The following MYLK4 variants were observed in gnomAD, a reference collection of about 807,000 sequenced individuals.
MYLK4 encodes caMLCK like.
In MYLK4, 46 loss-of-function variants were observed where a neutral mutation model predicts 48.1. The observed-to-expected ratio is 0.96, with a 90% CI of 0.75 to 1.22. The LOEUF (loss-of-function observed/expected upper bound fraction) is 1.22, where lower values mean the gene tolerates loss of function less well. Among genes scored for constraint, MYLK4 ranks in the 50% most tolerant of loss-of-function variants. The probability of loss-of-function intolerance (pLI) is 0.00; values close to 1 mark genes in which losing one functional copy is unlikely to be tolerated. For missense variants in MYLK4, 451 were observed against 486.1 expected (o/e 0.93, Z 0.68); for synonymous variants, 170 against 180.8 (o/e 0.94, Z 0.48).
At position 2,685,263 on chromosome 6, in the gene MYLK4, G is replaced by A. The variant is rs1179856293; in HGVS notation, c.545+33C>T. On this transcript the variant is annotated intron_variant, in intron 6 of 12. Coordinates refer to ENST00000274643, the MANE Select transcript of MYLK4 (RefSeq NM_001012418.5). The surrounding 1 kb of genome is among the most constrained non-coding windows in gnomAD (Gnocchi z 4.5). The stretch of plus-strand genomic sequence containing the variant: ...CGGTCACGGTCATGAGTGCCCTTGG[G>A]GAGGTCAGGGAGGGGGCGGAGGGGA... The A allele has an allele frequency of 6.6e-7, 1 of 1,510,734 alleles. No individual in the cohort carries two copies. The highest frequency in any genetic ancestry group is 1.4e-5 in the African/African-American group (1 of 72,950). The allele number at this position is 1,510,734 out of a possible 1,614,324, so 93.6% of individuals were successfully genotyped here.
chr6:2,693,532 C>T (rs1027258436), intron 2 of MYLK4, among the ~76,000 whole-genome samples: 1 of 152,160 alleles, frequency 6.6e-6, no homozygotes, highest in Non-Finnish European at 1.5e-5. Flanking sequence ...GTTGAGCAAA[C>T]CGTTAGCTAA....
the MYLK4 span, among the ~76,000 whole-genome samples, chr6:2,758,543 T>C: frequency 6.6e-6 from 1 of 151,934 alleles, no homozygotes; most frequent in Admixed American, 6.6e-5. Context: ...GCAATACTCA[T>C]AAAGCCACCA....
chr6:2,685,444 G>T lies in MYLK4; in HGVS notation c.435+39C>A. On this transcript the variant is annotated intron_variant, in intron 5 of 12. Coordinates refer to ENST00000274643, the MANE Select transcript of MYLK4 (RefSeq NM_001012418.5). This position sits in a 1 kb window ranked among gnomAD's most constrained non-coding sequence, Gnocchi z 4.5. ...AACAGTGCATTAGTGTGGTCAAGAT[G>T]GGGCGGGGAGGGAGGGGACCACCTC... 6.2e-7 allele frequency: 1 copy of T among 1,604,260 alleles called. No individual in the cohort carries two copies. The highest frequency in any genetic ancestry group is 8.5e-7 in the Non-Finnish European group (1 of 1,171,402).
chr6:2,743,438 T>C (rs1344739098), intron 2 of MYLK4, among the ~76,000 whole-genome samples: 1 of 152,208 alleles, frequency 6.6e-6, no homozygotes, highest in East Asian at 1.9e-4. Flanking sequence ...CTGGAATAGC[T>C]ATGGTGTTAC....
At chr6:2,743,548 T>C (rs1399275854) in intron 2 of MYLK4, among the ~76,000 whole-genome samples, 1 of 152,230 alleles carries the variant, frequency 6.6e-6, no homozygotes, top group Non-Finnish European at 1.5e-5. Context: ...ATCGATTTCT[T>C]AGTAAGAGTA....
At chr6:2,715,458 T>C (rs1001970729) in intron 2 of MYLK4, among the ~76,000 whole-genome samples, 1 of 152,206 alleles carries the variant, frequency 6.6e-6, no homozygotes, top group Non-Finnish European at 1.5e-5. Context: ...ATTTCATCTA[T>C]GTTGCTGTTT....
chr6:2,709,058 T>G (rs9392417), intron 2 of MYLK4, among the ~76,000 whole-genome samples: 130,667 of 152,104 alleles, frequency 0.86, 56,204 homozygotes, highest in Admixed American at 0.89. Context: ...CTATTTGACA[T>G]TTCTTCCCAC....
At chr6:2,730,628 G>T (rs1763445319) in intron 2 of MYLK4, among the ~76,000 whole-genome samples, 1 of 152,050 alleles carries the variant, frequency 6.6e-6, no homozygotes, top group East Asian at 1.9e-4. Flanking sequence ...AAAAATCCAG[G>T]ACAGTAATGG....
upstream of MYLK4, among the ~76,000 whole-genome samples, chr6:2,753,743 T>C (rs889290358): frequency 2.0e-5 from 3 of 151,826 alleles, no homozygotes; most frequent in African/African-American, 2.4e-5. Flanking sequence ...CCAAAGAAGA[T>C]ATAAAAATGG....
chr6:2,695,529 C>T (rs376984962), intron 2 of MYLK4, among the ~76,000 whole-genome samples: 10 of 152,264 alleles, frequency 6.6e-5, no homozygotes, highest in African/African-American at 2.4e-4. Flanking sequence ...AGCCAGCTTC[C>T]AAGAGAGGTT....
intron 2 of MYLK4, among the ~76,000 whole-genome samples, chr6:2,733,461 A>G (rs2113333078): frequency 6.6e-6 from 1 of 152,342 alleles, no homozygotes; most frequent in Non-Finnish European, 1.5e-5. Context: ...GTATCAGCCA[A>G]AATGAGCATG....
chr6:2,737,171 C>T (rs1014620987), intron 2 of MYLK4, among the ~76,000 whole-genome samples: 3 of 152,098 alleles, frequency 2.0e-5, no homozygotes, highest in South Asian at 2.1e-4. Flanking sequence ...AAACTAGCTG[C>T]GCGTGGTGGC....
chr6:2,718,625 G>A (rs892346700), intron 2 of MYLK4, among the ~76,000 whole-genome samples: 2 of 152,130 alleles, frequency 1.3e-5, no homozygotes, highest in African/African-American at 4.8e-5. Context: ...CAACACCTCT[G>A]GACTTCTTTA....
At chr6:2,689,301 A>G (rs1761683105) in intron 3 of MYLK4, among the ~76,000 whole-genome samples, 2 of 152,272 alleles carry the variant, frequency 1.3e-5, no homozygotes, top group Admixed American at 1.3e-4. Context: ...AAATTCAAAC[A>G]TGAGAAATTG....
chr6:2,766,295 A>G, the MYLK4 span: 1 of 1,605,494 alleles, frequency 6.2e-7, no homozygotes, highest in Non-Finnish European at 8.5e-7. Context: ...GCTACAGGGC[A>G]AGCCGCTGGC....
At chr6:2,736,248 T>C (rs1763669641) in intron 2 of MYLK4, among the ~76,000 whole-genome samples, 1 of 152,274 alleles carries the variant, frequency 6.6e-6, no homozygotes, top group Non-Finnish European at 1.5e-5. Context: ...TATTTGTTAT[T>C]ATTGCTGTTG....
the MYLK4 span, chr6:2,766,389 T>G: frequency 1.2e-6 from 2 of 1,607,638 alleles, no homozygotes; most frequent in Non-Finnish European, 1.7e-6. Flanking sequence ...CGCTCGCTCC[T>G]GGAGACCAAC....
intron 2 of MYLK4, among the ~76,000 whole-genome samples, chr6:2,720,805 C>T (rs147394734): frequency 9.2e-5 from 14 of 152,066 alleles, no homozygotes; most frequent in African/African-American, 2.7e-4. Flanking sequence ...AGACAGGAAA[C>T]GTAAAGGACT....
the MYLK4 span, among the ~76,000 whole-genome samples, chr6:2,756,115 G>A: frequency 6.6e-6 from 1 of 152,066 alleles, no homozygotes; most frequent in Non-Finnish European, 1.5e-5. Context: ...ATCTATTCTT[G>A]AGAATCAATG....
Sources: allele counts gnomAD v4.1 joint callset (sites outside exome capture counted in the v4.1 genomes callset), GRCh38; gene constraint gnomAD v4.1.1; non-coding constraint Gnocchi (gnomAD v3.1); transcripts MANE v1.5; gene names NCBI Gene and HGNC (gene_info 2026-07-23, HGNC 2026-07-21).